TAFA1: variants seen among roughly 807,000 people sequenced by gnomAD.
TAFA1 encodes chemokine-like protein TAFA-1.
A neutral mutation model predicts 18.5 loss-of-function variants in TAFA1; 4 were observed. The observed-to-expected ratio is 0.22, with a 90% CI of 0.11 to 0.49. TAFA1 has a LOEUF of 0.49. TAFA1 is among the 20% of genes least tolerant of loss of function. The pLI, the probability that TAFA1 is intolerant of heterozygous loss-of-function variation, is 0.98. For synonymous variants in TAFA1, 56 were observed against 55.2 expected (o/e 1.01, Z -0.06); for missense variants, 147 against 169.0 (o/e 0.87, Z 0.72).
intron 2 of TAFA1, among the ~76,000 whole-genome samples, chr3:68,074,092 T>G (rs1175297995): frequency 4.6e-5 from 7 of 152,172 alleles, no homozygotes; most frequent in African/African-American, 1.7e-4. Flanking sequence ...TGGGAGACAG[T>G]GACAGATCAT....
At chr3:68,385,949 T>A (rs975392269) in intron 2 of TAFA1, among the ~76,000 whole-genome samples, 1 of 152,234 alleles carries the variant, frequency 6.6e-6, no homozygotes, top group East Asian at 1.9e-4. Context: ...GTATCCTTTT[T>A]CTAGTTATCT....
At chr3:68,050,219 T>C (rs746077826) in intron 2 of TAFA1, among the ~76,000 whole-genome samples, 7 of 152,034 alleles carry the variant, frequency 4.6e-5, no homozygotes, top group Non-Finnish European at 7.4e-5. Context: ...GAAAAAACCA[T>C]TGAAGGATGT....
At chr3:68,390,542 C>G (rs1222153880) in intron 2 of TAFA1, among the ~76,000 whole-genome samples, 1 of 152,174 alleles carries the variant, frequency 6.6e-6, no homozygotes, top group African/African-American at 2.4e-5. Context: ...GGTTCCTGAC[C>G]CCCATGCCTT....
At chr3:68,439,422 T>TACATAC in intron 3 of TAFA1, among the ~76,000 whole-genome samples, 1 of 127,376 alleles carries the variant, frequency 7.9e-6, no homozygotes, top group Admixed American at 8.5e-5. Context: ...CATATATATA[T>TACATAC]ATATATATAT....
At chr3:68,262,327 A>G (rs1387840204) in intron 2 of TAFA1, among the ~76,000 whole-genome samples, 4 of 72,896 alleles carry the variant, frequency 5.5e-5, no homozygotes, top group African/African-American at 1.6e-4. Flanking sequence ...ATATATATAT[A>G]TATATATATA....
chr3:68,377,878 C>T (rs550401922), intron 2 of TAFA1, among the ~76,000 whole-genome samples: 17 of 152,338 alleles, frequency 1.1e-4, no homozygotes, highest in African/African-American at 4.1e-4. Context: ...ACCACTCGGC[C>T]TGTTGCTTCA....
chr3:68,176,625 A>G (rs535780385), intron 2 of TAFA1, among the ~76,000 whole-genome samples: 14 of 152,368 alleles, frequency 9.2e-5, no homozygotes, highest in African/African-American at 3.4e-4. Context: ...TAAAATTTGC[A>G]TAATTCATGT....
intron 2 of TAFA1, among the ~76,000 whole-genome samples, chr3:68,096,237 C>T (rs2065085376): frequency 6.6e-6 from 1 of 152,036 alleles, no homozygotes; most frequent in Admixed American, 6.6e-5. Flanking sequence ...AGTTCCATTC[C>T]CATTGCTTCA....
intron 2 of TAFA1, among the ~76,000 whole-genome samples, chr3:68,335,503 G>C: frequency 6.6e-6 from 1 of 152,072 alleles, no homozygotes; most frequent in Non-Finnish European, 1.5e-5. Context: ...TTTTAAAATA[G>C]TTGGATTAAA....
chr3:68,285,822 C>G (rs2067989110), intron 2 of TAFA1, among the ~76,000 whole-genome samples: 1 of 152,038 alleles, frequency 6.6e-6, no homozygotes, highest in Admixed American at 6.6e-5. Context: ...AATATTTCAA[C>G]CAACAACGTG....
intron 2 of TAFA1, among the ~76,000 whole-genome samples, chr3:68,090,061 C>A (rs1340218886): frequency 6.6e-6 from 1 of 152,148 alleles, no homozygotes; most frequent in Non-Finnish European, 1.5e-5. Flanking sequence ...AGAATTCCTT[C>A]ATTCGTTCAA....
chr3:68,187,712 G>A (rs187724062), intron 2 of TAFA1, among the ~76,000 whole-genome samples: 2 of 152,104 alleles, frequency 1.3e-5, no homozygotes, highest in East Asian at 3.9e-4. Flanking sequence ...ATGCAAAGCA[G>A]TGTTTAGTTT....
chr3:68,398,249 G>T (rs1174073354), intron 2 of TAFA1, among the ~76,000 whole-genome samples: 2 of 152,040 alleles, frequency 1.3e-5, no homozygotes, highest in Admixed American at 1.3e-4. Context: ...ATGAACAAAG[G>T]CATCAGAAAT....
intron 3 of TAFA1, among the ~76,000 whole-genome samples, chr3:68,450,314 G>T (rs771674298): frequency 6.6e-6 from 1 of 152,216 alleles, no homozygotes; most frequent in Non-Finnish European, 1.5e-5. Context: ...AATGGAATCT[G>T]TTGTGAACAT....
intron 2 of TAFA1, among the ~76,000 whole-genome samples, chr3:68,234,673 C>G (rs749906911): frequency 6.6e-6 from 1 of 152,138 alleles, no homozygotes; most frequent in Non-Finnish European, 1.5e-5. Context: ...AGAGTCGAGT[C>G]ATCACTACCC....
At chr3:68,485,364 A>G in intron 3 of TAFA1, among the ~76,000 whole-genome samples, 1 of 152,208 alleles carries the variant, frequency 6.6e-6, no homozygotes, top group East Asian at 1.9e-4. Flanking sequence ...ACAGTGGCCT[A>G]AATAAATCTG....
At chr3:68,283,874 G>T (rs2107261946) in intron 2 of TAFA1, among the ~76,000 whole-genome samples, 1 of 152,214 alleles carries the variant, frequency 6.6e-6, no homozygotes, top group Middle Eastern at 3.4e-3. Context: ...TTGATTAGTT[G>T]AATCCTCCTG....
Position 68,153,194 on chromosome 3 carries a change from C to G in TAFA1, c.118+146450C>G, listed in dbSNP as rs377748066. Reference sequence around the variant, plus strand: ...TCTCAGCAAATATTTTTAAATGATACAAAATCTAACACGATCCAGTGCTCA... The same window carrying G: ...TCTCAGCAAATATTTTTAAATGATAGAAAATCTAACACGATCCAGTGCTCA... On this transcript the variant is annotated intron_variant, in intron 2 of 4. Transcript: ENST00000478136. 3.3e-5 allele frequency among the ~76,000 whole-genome samples: 5 copies of G among 152,262 alleles called. No homozygotes were observed. The South Asian group carries it at 1.0e-3, about 32-fold the overall frequency.
chr3:68,036,519 G>A lies in TAFA1; in HGVS notation c.118+29775G>A, dbSNP rs117958272. 1.6e-4 allele frequency among the ~76,000 whole-genome samples: 25 copies of A among 151,890 alleles called. No individual in the cohort carries two copies. In the East Asian group the frequency reaches 4.7e-3, roughly 28 times the overall value. On this transcript the variant is annotated intron_variant, in intron 2 of 4. Coordinates refer to ENST00000478136, the MANE Select transcript of TAFA1 (RefSeq NM_213609.4). The stretch of plus-strand genomic sequence containing the variant: ...AAATATACAACAAAAAGATCCCCTG[G>A]CATCATTTATAAGTTGATTGCATGT...
Sources: allele counts gnomAD v4.1 joint callset (sites outside exome capture counted in the v4.1 genomes callset), GRCh38; gene constraint gnomAD v4.1.1; transcripts MANE v1.5; gene names NCBI Gene and HGNC (gene_info 2026-07-23, HGNC 2026-07-21).